NPAS1: variants seen among roughly 807,000 people sequenced by gnomAD.
NPAS1 encodes the protein neuronal PAS domain protein 1, also known as neuronal PAS domain-containing protein 1.
Under a neutral mutation model 49.2 loss-of-function variants are expected in NPAS1, and 29 were observed. The ratio of observed to expected loss-of-function variants is 0.59; its 90% CI spans 0.44 to 0.80. The LOEUF is 0.80. Among genes scored for constraint, NPAS1 ranks in the 30% least tolerant of loss-of-function variants. NPAS1 has a pLI of 0.00. For missense variants in NPAS1, 825 were observed against 835.5 expected (o/e 0.99, Z 0.15); for synonymous variants, 408 against 380.4 (o/e 1.07, Z -0.84).
intron 9 of NPAS1, 118 bp from the exon 10 acceptor site, chr19:47,040,860 C>T (rs896898823): frequency 3.4e-5 from 28 of 833,190 alleles, no homozygotes; most frequent in South Asian, 2.3e-4. Context: ...TTCTCCCCAC[C>T]GTCTCCCTGC....
intron 10 of NPAS1, among the ~76,000 whole-genome samples, chr19:47,041,600 T>A (rs1372965623): frequency 2.6e-5 from 4 of 152,270 alleles, no homozygotes; most frequent in Admixed American, 6.5e-5. Flanking sequence ...GATGACGGCC[T>A]GGCCTTTTGG....
At position 47,039,067 on chromosome 19, in the gene NPAS1, C is replaced by T. The variant is rs775429045; in HGVS notation, c.720C>T (p.Ser240=). ...GCCTCACCAAGGTGCCCCCCTCCTC[C>T]CTGGTCCAGGAGCGCTCCTTCTTTG... The part of the protein sequence containing the change: ...EASLTKVPPS[S]LVQERSFFVR... Residue 240 remains serine, a synonymous_variant, in exon 7 of 12, where the codon TCC becomes TCT. Transcript: ENST00000602212. 6.2e-7 allele frequency: 1 copy of T among 1,614,184 alleles called. No individual in the cohort carries two copies. Among genetic ancestry groups the T allele is most frequent in the Non-Finnish European group, 8.5e-7 (1 of 1,180,036 alleles).
intron 3 of NPAS1, among the ~76,000 whole-genome samples, chr19:47,026,860 A>G (rs1266145767): frequency 1.3e-5 from 2 of 151,910 alleles, no homozygotes; most frequent in Non-Finnish European, 2.9e-5. Context: ...AGGATGAGGC[A>G]GGAAAATCAC....
In NPAS1 at chr19:47,019,951, C is replaced by G. The variant is rs1386706157; in HGVS notation, c.-89C>G. 5.1e-6 allele frequency: 2 copies of G among 394,308 alleles called. No individual in the cohort carries two copies. Among genetic ancestry groups the G allele is most frequent in the Non-Finnish European group, 9.0e-6 (2 of 223,378 alleles). 24.4% of individuals were successfully genotyped at this position (394,308 alleles called of 1,614,324 possible). ...GCCGCCCGGCCGGCCCCACGCCGCGCCCGGAGCCTGCTCTGCGGCCAAGTA... is the reference window on the plus strand; with the variant it reads ...GCCGCCCGGCCGGCCCCACGCCGCGGCCGGAGCCTGCTCTGCGGCCAAGTA... On this transcript the variant is annotated 5_prime_UTR_variant, in exon 1 of 12. Coordinates refer to ENST00000602212, the MANE Select transcript of NPAS1 (RefSeq NM_002517.4).
chr19:47,032,510 A>T, intron 4 of NPAS1, 133 bp from the exon 5 acceptor site: 1 of 1,091,896 alleles, frequency 9.2e-7, no homozygotes, highest in Non-Finnish European at 1.4e-6. Context: ...TCCGAGGACC[A>T]CTGAAGCCCC....
At chr19:47,034,084 C>T (rs1170026466) in intron 5 of NPAS1, among the ~76,000 whole-genome samples, 1 of 139,208 alleles carries the variant, frequency 7.2e-6, no homozygotes. Flanking sequence ...GCAGGCAAAT[C>T]ACCTGAGGTT....
chr19:47,029,015 T>A lies in NPAS1; in HGVS notation c.359-3263T>A, dbSNP rs180697796. On this transcript the variant is annotated intron_variant, in intron 3 of 11. Coordinates refer to ENST00000602212, the MANE Select transcript of NPAS1 (RefSeq NM_002517.4). ...GTTGCCATCTCTGTCTCTCTCTGCA[T>A]CTCTTTTCCTCTGTCTCTCCATGTC... Among the ~76,000 whole-genome samples the A allele has an allele frequency of 1.1e-3, 161 of 152,052 alleles. 1 individual carries two copies. Among genetic ancestry groups the A allele is most frequent in the African/African-American group, 3.7e-3 (154 of 41,484 alleles).
At chr19:47,038,881 C>A (rs1364330872) in intron 6 of NPAS1, among the ~76,000 whole-genome samples, 155 bp from the exon 7 acceptor site, 5 of 152,076 alleles carry the variant, frequency 3.3e-5, no homozygotes, top group African/African-American at 1.2e-4. Context: ...CACATACTGT[C>A]CCCATGAGCT....
rs748520310 is a variant in NPAS1, at chr19:47,021,112, C to T, written c.65C>T (p.Ala22Val). The change falls in exon 2 of 12, where the codon GCC becomes GTC. Residue 22 changes from alanine to valine, a missense_variant. Ala to Val is a moderately conservative substitution (Grantham distance 64). Transcript: ENST00000602212. This position sits in a 1 kb window ranked among gnomAD's most constrained non-coding sequence, Gnocchi z 5.7. ...SEVKCVGGRGASVPWDFLPGL... is the reference protein window; with the variant it reads ...SEVKCVGGRGVSVPWDFLPGL... ...GTCAAATGCGTGGGAGGCCGCGGCG[C>T]CAGCGTCCCCTGGGACTTTCTACCC... The T allele has an allele frequency of 6.2e-7, 1 of 1,602,570 alleles. No homozygotes were observed. The highest frequency in any genetic ancestry group is 2.3e-5 in the East Asian group (1 of 43,366).
At chr19:47,031,017 T>C (rs1415282530) in intron 3 of NPAS1, among the ~76,000 whole-genome samples, 1 of 152,088 alleles carries the variant, frequency 6.6e-6, no homozygotes, top group Non-Finnish European at 1.5e-5. Context: ...TATATCCCTC[T>C]GTCTCTGTCT....
Position 47,040,464 on chromosome 19 carries a change from T to A in NPAS1, c.983T>A (p.Leu328Gln). 1 of 1,601,122 alleles carries A rather than the reference T, an allele frequency of 6.2e-7. No homozygotes were observed. The highest frequency in any genetic ancestry group is 8.5e-7 in the Non-Finnish European group (1 of 1,174,356). ...CCCAGAGTCAGCGACCACATGGACC[T>A]GGGGCCCTCAGAGCTGGTGGGCCGC... ...CESRVSDHMD[L>Q]GPSELVGRSC... Residue 328 changes from leucine to glutamine, a missense_variant, in exon 9 of 12, where the codon CTG becomes CAG. Physicochemically the swap from Leu to Gln is moderately radical, Grantham distance 113 (BLOSUM62 -2). Coordinates refer to ENST00000602212, the MANE Select transcript of NPAS1 (RefSeq NM_002517.4).
chr19:47,031,623 C>T (rs905466817), intron 3 of NPAS1, among the ~76,000 whole-genome samples: 1 of 151,208 alleles, frequency 6.6e-6, no homozygotes, highest in African/African-American at 2.4e-5. Context: ...CTCTGCCTCC[C>T]GGTTTCAAGC....
At chr19:47,036,269 G>A (rs2056954617) in intron 6 of NPAS1, 140 bp downstream of exon 6, 3 of 958,614 alleles carry the variant, frequency 3.1e-6, no homozygotes, top group Non-Finnish European at 4.6e-6. Flanking sequence ...AAAGGAATCG[G>A]AGTATAAATT....
chr19:47,041,192 G>T, intron 10 of NPAS1, 67 bp downstream of exon 10: 1 of 1,406,424 alleles, frequency 7.1e-7, no homozygotes, highest in South Asian at 1.4e-5. Flanking sequence ...ACCTCCAGTG[G>T]GGGTGCTTTG....
At chr19:47,043,852 CCT>C (rs1297349742) in intron 11 of NPAS1, among the ~76,000 whole-genome samples, 2 of 152,000 alleles carry the variant, frequency 1.3e-5, no homozygotes, top group Admixed American at 6.6e-5. Context: ...ATTGCTTTAG[CCT>C]AAGAGTTCAA....
chr19:47,033,975 T>TAAAAAAAAAA (rs532811476), intron 5 of NPAS1, among the ~76,000 whole-genome samples: 2 of 100,852 alleles, frequency 2.0e-5, no homozygotes, highest in East Asian at 2.9e-4. Flanking sequence ...GGCTATGCCT[T>TAAAAAAAAAA]AAAAAAAAAA....
chr19:47,034,853 G>T (rs944762447), intron 5 of NPAS1, among the ~76,000 whole-genome samples: 1 of 151,842 alleles, frequency 6.6e-6, no homozygotes, highest in Non-Finnish European at 1.5e-5. Flanking sequence ...TCCAGCCTGG[G>T]CAACGAGAGC....
chr19:47,021,532 G>T lies in NPAS1; in HGVS notation c.123-80G>T. On this transcript the variant is annotated intron_variant, in intron 2 of 11. Transcript: ENST00000602212. The surrounding 1 kb of genome is among the most constrained non-coding windows in gnomAD (Gnocchi z 5.7). ...CGTCCCGTCCCGTTCCCAAGGCCCC[G>T]GGAGGCGGGGCTCGCCCCCAGTTCC... 3 of 976,242 alleles carry T rather than the reference G, an allele frequency of 3.1e-6. No homozygotes were observed. Among genetic ancestry groups the T allele is most frequent in the Non-Finnish European group, 4.3e-6 (3 of 698,780 alleles). The allele number at this position is 976,242 out of a possible 1,614,324, so 60.5% of individuals were successfully genotyped here. A position where few individuals can be genotyped will look rare whatever the true frequency, so the allele number is the denominator to read the frequency against.
rs1315372616 is a variant in NPAS1 at position 47,032,443 on chromosome 19, T to TGG, written c.432+97_432+98dup. 6 of 1,390,198 alleles carry TGG rather than the reference T, an allele frequency of 4.3e-6. No individual in the cohort carries two copies. In the African/African-American group the frequency reaches 5.7e-5, roughly 13 times the overall value. The allele number at this position is 1,390,198 out of a possible 1,614,324, so 86.1% of individuals were successfully genotyped here. On this transcript the variant is annotated intron_variant, in intron 4 of 11. Coordinates refer to ENST00000602212, the MANE Select transcript of NPAS1 (RefSeq NM_002517.4). ...CAGCCTCTTCAGCATCCATCTATTG[T>TGG]GGGGGGTACCTGGACTGGGAAGGCG...
Sources: allele counts gnomAD v4.1 joint callset (sites outside exome capture counted in the v4.1 genomes callset), GRCh38; gene constraint gnomAD v4.1.1; non-coding constraint Gnocchi (gnomAD v3.1); transcripts MANE v1.5; gene names NCBI Gene and HGNC (gene_info 2026-07-23, HGNC 2026-07-21).